The following TTC29 variants were observed in gnomAD, a reference collection of about 807,000 sequenced individuals.
TTC29 encodes tetratricopeptide repeat domain 29.
Under a neutral mutation model 58.1 loss-of-function variants are expected in TTC29, and 49 were observed. That is an observed-to-expected ratio of 0.84 (90% confidence interval 0.67 to 1.07). The LOEUF is 1.07. TTC29 is among the 50% of genes least tolerant of loss of function. The pLI, the probability that TTC29 is intolerant of heterozygous loss-of-function variation, is 0.00. For synonymous variants in TTC29, 209 were observed against 196.8 expected, an observed-to-expected ratio of 1.06 and a Z score of -0.52; for missense variants, 582 against 555.6, an observed-to-expected ratio of 1.05 and a Z score of -0.48.
At chr4:146,780,387 T>C (rs964529094) in intron 11 of TTC29, among the ~76,000 whole-genome samples, 9 of 151,508 alleles carry the variant, frequency 5.9e-5, no homozygotes, top group Non-Finnish European at 1.3e-4. Context: ...ATTGTAAATG[T>C]TCTTATTTTT....
At chr4:146,867,321 T>C (rs1730626776) in intron 8 of TTC29, among the ~76,000 whole-genome samples, 177 bp downstream of exon 8, 1 of 152,128 alleles carries the variant, frequency 6.6e-6, no homozygotes, top group Admixed American at 6.6e-5. Context: ...CAATAAACAA[T>C]AAAACCGATT....
rs70958529 is a variant in TTC29 at position 146,798,886 on chromosome 4, C to CAAA, written c.1330+4568_1330+4570dup. Among the ~76,000 whole-genome samples the CAAA allele has an allele frequency of 5.0e-3, 92 of 18,266 alleles. 6 individuals are homozygous for CAAA. The highest frequency in any genetic ancestry group is 0.018 in the African/African-American group (86 of 4,700). The allele number at this position is 18,266 out of a possible 152,430, so 12.0% of individuals were successfully genotyped here. ...TGGGTGACAGAGCCAGACTCCGTCTCAAAAAAAAAAAAAAAAAAAAAAAAA... is the reference window on the plus strand; with the variant it reads ...TGGGTGACAGAGCCAGACTCCGTCTCAAAAAAAAAAAAAAAAAAAAAAAAAAAA... On this transcript the variant is annotated intron_variant, in intron 11 of 12. Transcript: ENST00000325106.
intron 11 of TTC29, among the ~76,000 whole-genome samples, chr4:146,787,075 A>G (rs914596242): frequency 2.6e-5 from 4 of 152,162 alleles, no homozygotes; most frequent in African/African-American, 9.7e-5. Flanking sequence ...CAGAACTGAA[A>G]CAAATCAAAA....
chr4:146,794,851 A>G (rs1749727368), intron 11 of TTC29, among the ~76,000 whole-genome samples: 1 of 152,122 alleles, frequency 6.6e-6, no homozygotes. Context: ...GGTGTGTTAC[A>G]TAGGTAAATG....
intron 11 of TTC29, among the ~76,000 whole-genome samples, chr4:146,736,965 T>G (rs572479992): frequency 6.6e-6 from 1 of 152,170 alleles, no homozygotes; most frequent in Non-Finnish European, 1.5e-5. Context: ...AGCTCTCAAC[T>G]GACAAGAGGA....
At chr4:146,891,927 G>A (rs1732392783) in intron 6 of TTC29, among the ~76,000 whole-genome samples, 1 of 152,148 alleles carries the variant, frequency 6.6e-6, no homozygotes, top group Non-Finnish European at 1.5e-5. Flanking sequence ...TTATCTTGGG[G>A]AAAGCAGTTC....
chr4:146,739,319 C>T (rs1474044441), intron 11 of TTC29, among the ~76,000 whole-genome samples: 3 of 152,128 alleles, frequency 2.0e-5, no homozygotes, highest in Non-Finnish European at 2.9e-5. Flanking sequence ...TCTTTAAGGC[C>T]TTGTTCAAAT....
intron 4 of TTC29, among the ~76,000 whole-genome samples, chr4:146,916,264 T>A (rs1734215847): frequency 6.6e-6 from 1 of 151,750 alleles, no homozygotes; most frequent in Non-Finnish European, 1.5e-5. Flanking sequence ...GTTTTATAGT[T>A]TTTGGTAAAA....
At chr4:146,728,858 C>CATATATATGTGTATATAT (rs1344862897) in intron 11 of TTC29, among the ~76,000 whole-genome samples, 1 of 41,190 alleles carries the variant, frequency 2.4e-5, no homozygotes, top group Non-Finnish European at 6.0e-5. Context: ...TATATATATA[C>CATATATATGTGTATATAT]ACATATATAT....
chr4:146,888,014 A>G (rs1732103731), intron 6 of TTC29, among the ~76,000 whole-genome samples: 1 of 152,016 alleles, frequency 6.6e-6, no homozygotes, highest in South Asian at 2.1e-4. Flanking sequence ...TGCACACACA[A>G]CAGTGATCTT....
At chr4:146,752,509 T>A (rs1746087151) in intron 11 of TTC29, among the ~76,000 whole-genome samples, 1 of 151,806 alleles carries the variant, frequency 6.6e-6, no homozygotes. Context: ...GCCATCCCCA[T>A]CAAGCTACCA....
At chr4:146,728,763 A>ATATATATACACATATATATGTG (rs1743998608) in intron 11 of TTC29, among the ~76,000 whole-genome samples, 1 of 65,090 alleles carries the variant, frequency 1.5e-5, no homozygotes, top group African/African-American at 4.1e-5. Flanking sequence ...ATATATGTAC[A>ATATATATACACATATATATGTG]TATATATACA....
intron 11 of TTC29, among the ~76,000 whole-genome samples, chr4:146,760,691 A>T (rs937104111): frequency 1.3e-5 from 2 of 151,024 alleles, no homozygotes; most frequent in Non-Finnish European, 3.0e-5. Flanking sequence ...TGGGGAAAGG[A>T]CACCCTTTTC....
At chr4:146,795,145 A>C (rs979121041) in intron 11 of TTC29, among the ~76,000 whole-genome samples, 5 of 152,148 alleles carry the variant, frequency 3.3e-5, no homozygotes, top group African/African-American at 1.2e-4. Context: ...AGTATAATGT[A>C]GTGTGAAAAG....
At chr4:146,789,100 T>C (rs754521157) in intron 11 of TTC29, among the ~76,000 whole-genome samples, 27 of 152,186 alleles carry the variant, frequency 1.8e-4, no homozygotes, top group Admixed American at 6.5e-4. Context: ...CCTTTAAAAA[T>C]ACACTTTGTT....
At chr4:146,766,794 C>G (rs941836743) in intron 11 of TTC29, among the ~76,000 whole-genome samples, 1 of 151,958 alleles carries the variant, frequency 6.6e-6, no homozygotes, top group Non-Finnish European at 1.5e-5. Flanking sequence ...GAAAATGCAG[C>G]CCCTAGGTAG....
chr4:146,931,571 A>AT (rs1311421090), intron 4 of TTC29, among the ~76,000 whole-genome samples: 2 of 152,234 alleles, frequency 1.3e-5, no homozygotes, highest in Non-Finnish European at 2.9e-5. Context: ...CAATACAGGT[A>AT]TTACATAACA....
intron 6 of TTC29, among the ~76,000 whole-genome samples, chr4:146,891,371 A>G (rs1292763279): frequency 6.6e-6 from 1 of 152,162 alleles, no homozygotes; most frequent in Non-Finnish European, 1.5e-5. Flanking sequence ...CTATAGAGCT[A>G]TAGGTAGCAC....
intron 2 of TTC29, among the ~76,000 whole-genome samples, chr4:146,941,508 C>A (rs915979092): frequency 3.9e-5 from 6 of 152,094 alleles, no homozygotes; most frequent in African/African-American, 1.4e-4. Context: ...AACAAATAAG[C>A]AAAATATATA....
Sources: gnomAD v4.1 joint callset for allele counts (sites outside exome capture counted in the v4.1 genomes callset) on GRCh38, gnomAD v4.1.1 for gene constraint, MANE v1.5 for transcripts, NCBI Gene and HGNC (gene_info 2026-07-23, HGNC 2026-07-21) for gene names.